Variants in WNK3 observed in about 807,000 individuals in gnomAD.
WNK3 encodes the protein WNK lysine deficient protein kinase 3.
A neutral mutation model predicts 116.7 loss-of-function variants in WNK3; 18 were observed. The observed-to-expected ratio is 0.15, with a 90% CI of 0.11 to 0.23. The LOEUF (loss-of-function observed/expected upper bound fraction) is 0.23. Among genes scored for constraint, WNK3 ranks in the 10% least tolerant of loss-of-function variants. WNK3 has a pLI of 1.00. For synonymous variants in WNK3, 404 were observed against 469.4 expected, an observed-to-expected ratio of 0.86 and a Z score of 1.80; for missense variants, 993 against 1,323.8, an observed-to-expected ratio of 0.75 and a Z score of 3.88.
exon 7 of WNK3, chrX:54,298,211 T>C (rs1205435416): frequency 1.7e-6 from 2 of 1,207,553 alleles, no homozygotes; most frequent in South Asian, 1.8e-5. Flanking sequence ...TATCTGTTTC[T>C]AAGTTGAAAC....
intron 5 of WNK3, among the ~76,000 whole-genome samples, chrX:54,304,647 T>C (rs2068803631): frequency 9.0e-6 from 1 of 111,254 alleles, no homozygotes. Flanking sequence ...CAAAATTGTC[T>C]AAATGATGTC....
chrX:54,295,383 G>A (rs2068687374), intron 7 of WNK3, among the ~76,000 whole-genome samples: 1 of 111,230 alleles, frequency 9.0e-6, no homozygotes, highest in East Asian at 2.8e-4. Flanking sequence ...AAACAAAAAC[G>A]AACAAAACAA....
chrX:54,211,774 C>T (rs1161251794), intron 22 of WNK3, among the ~76,000 whole-genome samples: 1 of 110,445 alleles, frequency 9.1e-6, no homozygotes, highest in African/African-American at 3.3e-5. Context: ...CGCCCCTGCA[C>T]TCCAGCCTGG....
intron 6 of WNK3, among the ~76,000 whole-genome samples, chrX:54,298,727 G>A (rs1471131823): frequency 8.9e-6 from 1 of 112,079 alleles, no homozygotes; most frequent in Non-Finnish European, 1.9e-5. Context: ...AGTGAGAACT[G>A]GAGAAGTAGC....
intron 1 of WNK3, among the ~76,000 whole-genome samples, chrX:54,347,142 T>A (rs782401664): frequency 8.9e-6 from 1 of 111,995 alleles, no homozygotes; most frequent in East Asian, 2.8e-4. Flanking sequence ...GTAGCCATTT[T>A]TCCTTCATAA....
chrX:54,201,951 A>G lies in WNK3; in HGVS notation c.5073+40T>C, dbSNP rs1275687246. The G allele has an allele frequency of 2.6e-6, 3 of 1,156,566 alleles. No homozygotes were observed. The Admixed American group carries it at 6.6e-5, about 26-fold the overall frequency. ...TAAGCGCATCAATTTTTATGGTTTT[A>G]GTTCTTGTAAACAAAGTGAATTGGG... On this transcript the variant is annotated intron_variant, in intron 23 of 23. Transcript: ENST00000354646.
chrX:54,198,814 T>C (rs112681142), intron 23 of WNK3, among the ~76,000 whole-genome samples, 161 bp from the exon 24 acceptor site: 1,240 of 110,981 alleles, frequency 0.011, 18 homozygotes, highest in African/African-American at 0.04. Context: ...TATTAGGGAC[T>C]ACCATTTTTG....
At chrX:54,347,115 T>C (rs1436805245) in intron 1 of WNK3, among the ~76,000 whole-genome samples, 2 of 112,117 alleles carry the variant, frequency 1.8e-5, no homozygotes, top group African/African-American at 6.5e-5. Flanking sequence ...TTCACAGTTA[T>C]ATATAATTAC....
intron 4 of WNK3, 105 bp from the exon 5 acceptor site, chrX:54,308,184 C>A: frequency 1.3e-6 from 1 of 753,187 alleles, no homozygotes; most frequent in Non-Finnish European, 1.8e-6. Context: ...TTCTACTCCC[C>A]CAAAGCAAAT....
chrX:54,329,584 T>A (rs782381009), intron 2 of WNK3, among the ~76,000 whole-genome samples: 3 of 108,308 alleles, frequency 2.8e-5, no homozygotes, highest in African/African-American at 1.0e-4. Context: ...ACCCAGGAGG[T>A]TGCAGTGAGC....
chrX:54,302,749 ATATATATAT>A (rs2068776681), intron 5 of WNK3, among the ~76,000 whole-genome samples: 1 of 44,221 alleles, frequency 2.3e-5, no homozygotes, highest in Admixed American at 3.1e-4. Context: ...ATATATATAT[ATATATATAT>A]TTTTTTTTTT....
chrX:54,208,755 T>C (rs1051907891), intron 22 of WNK3, among the ~76,000 whole-genome samples: 4 of 111,969 alleles, frequency 3.6e-5, no homozygotes, highest in Non-Finnish European at 7.5e-5. Flanking sequence ...CTCCAAGGAC[T>C]CAAGATATAG....
intron 2 of WNK3, among the ~76,000 whole-genome samples, chrX:54,319,181 G>C (rs2068999989): frequency 9.1e-6 from 1 of 110,218 alleles, no homozygotes; most frequent in African/African-American, 3.3e-5. Context: ...ATTCTTTTTT[G>C]AGACAGGGTG....
At position 54,251,575 on chromosome X, in the gene WNK3, G is replaced by T. The variant is rs782314090; in HGVS notation, c.2480C>A (p.Ala827Asp). Reference sequence around the variant, plus strand: ...CACAGTAATAGAATCAACTCCAGTGGCTCTTTCTGTGGCAAAGTGGACATG... The same window carrying T: ...CACAGTAATAGAATCAACTCCAGTGTCTCTTTCTGTGGCAAAGTGGACATG... Residue 827 changes from alanine (A) to aspartate (D), a missense_variant, in exon 14 of 24, where the codon GCC becomes GAC. Physicochemically the swap from Ala to Asp is moderately radical, Grantham distance 126. Around this residue, in one of 4 missense-constraint regions of WNK3, gnomAD observed 836 missense variants for 976.5 expected, o/e 0.86. Coordinates refer to ENST00000354646, the Ensembl canonical transcript of WNK3. The T allele has an allele frequency of 7.4e-6, 9 of 1,210,560 alleles. No individual in the cohort carries two copies. In the Admixed American group the frequency reaches 2.0e-4, roughly 26 times the overall value.
chrX:54,252,899 T>A (rs1344330468), intron 13 of WNK3, among the ~76,000 whole-genome samples: 2 of 107,015 alleles, frequency 1.9e-5, no homozygotes, highest in Non-Finnish European at 3.8e-5. Flanking sequence ...CCTAGTCCCA[T>A]CCCCATCAAA....
chrX:54,291,096 G>A (rs925766743), intron 10 of WNK3, among the ~76,000 whole-genome samples: 4 of 110,918 alleles, frequency 3.6e-5, no homozygotes, highest in Non-Finnish European at 7.6e-5. Context: ...GGCGGATCAC[G>A]AGGTCAGGAG....
At chrX:54,324,903 T>A (rs781801685) in intron 2 of WNK3, among the ~76,000 whole-genome samples, 2 of 112,521 alleles carry the variant, frequency 1.8e-5, no homozygotes, top group East Asian at 5.6e-4. Context: ...TGTTTTCGTA[T>A]CTAATTCTAA....
intron 6 of WNK3, 59 bp from the exon 7 acceptor site, chrX:54,298,453 A>C: frequency 3.6e-6 from 3 of 833,329 alleles, no homozygotes; most frequent in Non-Finnish European, 5.1e-6. Flanking sequence ...AGACCCTTTA[A>C]TTACTAAAAA....
At chrX:54,248,295 C>CA (rs1174846601) in intron 17 of WNK3, among the ~76,000 whole-genome samples, 8 of 108,812 alleles carry the variant, frequency 7.4e-5, no homozygotes, top group African/African-American at 2.3e-4. Flanking sequence ...CTTTTTTTGT[C>CA]AAATTAAATC....
Sources: allele counts gnomAD v4.1 joint callset (sites outside exome capture counted in the v4.1 genomes callset), GRCh38; gene constraint gnomAD v4.1.1; regional missense constraint gnomAD v4.1.1; transcripts MANE v1.5; gene names NCBI Gene and HGNC (gene_info 2026-07-23, HGNC 2026-07-21).